Variants in SOX30 observed in about 807,000 individuals in gnomAD.
The protein encoded by SOX30 is SRY-box transcription factor 30.
In SOX30, 17 loss-of-function variants were observed where a neutral mutation model predicts 58.6. The ratio of observed to expected loss-of-function variants is 0.29; its 90% CI spans 0.20 to 0.44. The LOEUF (loss-of-function observed/expected upper bound fraction) is 0.44, where lower values mean the gene tolerates loss of function less well. Ranked by LOEUF, SOX30 falls within the 20% of genes least tolerant of loss-of-function variation. The pLI is 1.00. For missense variants in SOX30, 951 were observed against 965.8 expected, an observed-to-expected ratio of 0.98 and a Z score of 0.20; for synonymous variants, 421 against 400.2, an observed-to-expected ratio of 1.05 and a Z score of -0.62.
Position 157,651,561 on chromosome 5 carries a change from G to A in SOX30, c.518C>T (p.Pro173Leu). Residue 173 changes from proline (P) to leucine (L), a missense_variant, in exon 1 of 5, where the codon CCG becomes CTG. By Grantham distance (98) the Pro-to-Leu change is moderately conservative (BLOSUM62 -3). Around this residue, in one of 7 missense-constraint regions of SOX30, gnomAD observed 363 missense variants for 294.5 expected, o/e 1.23. Transcript: ENST00000265007. ...SRVVKLEGPG[P>L]ALGYFRGDEK... ...GTCCCCTCGGAAGTAGCCGAGGGCCGGCCCGGGGCCTTCCAACTTGACCAC... is the reference window on the plus strand; with the variant it reads ...GTCCCCTCGGAAGTAGCCGAGGGCCAGCCCGGGGCCTTCCAACTTGACCAC... 6.2e-7 allele frequency: 1 copy of A among 1,613,292 alleles called. No individual in the cohort carries two copies. The highest frequency in any genetic ancestry group is 8.5e-7 in the Non-Finnish European group (1 of 1,180,008).
chr5:157,644,909 C>T (rs764285254), intron 3 of SOX30, among the ~76,000 whole-genome samples: 9 of 151,972 alleles, frequency 5.9e-5, no homozygotes, highest in Non-Finnish European at 1.3e-4. Flanking sequence ...TGAACCCAGG[C>T]GTCAGAGGCT....
chr5:157,644,806 C>T (rs1759148621), intron 3 of SOX30, among the ~76,000 whole-genome samples: 1 of 151,962 alleles, frequency 6.6e-6, no homozygotes, highest in Admixed American at 6.6e-5. Flanking sequence ...CATGGTGAAA[C>T]CCCATCTCTA....
intron 4 of SOX30, among the ~76,000 whole-genome samples, chr5:157,637,001 C>T (rs1581392100): frequency 6.6e-6 from 1 of 152,068 alleles, no homozygotes; most frequent in Non-Finnish European, 1.5e-5. Flanking sequence ...GGCGTGGTGA[C>T]GCATGCCTGT....
chr5:157,649,226 A>T (rs1759268350), intron 1 of SOX30, among the ~76,000 whole-genome samples: 1 of 152,142 alleles, frequency 6.6e-6, no homozygotes, highest in Admixed American at 6.5e-5. Context: ...AATAATTAAC[A>T]TTTATTTATT....
chr5:157,656,879 A>C (rs1759483052), upstream of SOX30, among the ~76,000 whole-genome samples: 1 of 152,090 alleles, frequency 6.6e-6, no homozygotes, highest in African/African-American at 2.4e-5. Flanking sequence ...ATATTAGTTA[A>C]AGTTAAAGGG....
chr5:157,646,815 A>T lies in SOX30; in HGVS notation c.1209T>A (p.Gly403=). The T allele has an allele frequency of 6.2e-7, 1 of 1,611,894 alleles. No homozygotes were observed. The highest frequency in any genetic ancestry group is 8.5e-7 in the Non-Finnish European group (1 of 1,178,346). ...TCCCTGGACGAGGCTGATAAACCCA[A>T]CCTATAGAAGACAAAATATGTTTAA... ...IKEKHREEFP[G]WVYQPRPGKR... is the part of the protein sequence containing the mutation. The change falls in exon 3 of 5, where the codon GGT becomes GGA. Residue 403 remains glycine, a splice_region_variant and synonymous_variant. Transcript: ENST00000265007.
chr5:157,657,647 C>T (rs1415016339), intron 2 of SOX30, among the ~76,000 whole-genome samples: 1 of 152,082 alleles, frequency 6.6e-6, no homozygotes, highest in Non-Finnish European at 1.5e-5. Flanking sequence ...TTTTGTTTTT[C>T]AGAGTCAAGG....
upstream of SOX30, among the ~76,000 whole-genome samples, chr5:157,656,361 T>C (rs1436443981): frequency 2.0e-5 from 3 of 152,240 alleles, no homozygotes; most frequent in African/African-American, 7.2e-5. Context: ...TGTAAACATT[T>C]GGTCTAAATT....
At chr5:157,660,588 T>C (rs1254447298) in intron 2 of SOX30, among the ~76,000 whole-genome samples, 1 of 151,964 alleles carries the variant, frequency 6.6e-6, no homozygotes, top group African/African-American at 2.4e-5. Context: ...TCTTTTTTTT[T>C]CTTTTGTTAC....
chr5:157,626,698 G>A lies in SOX30; in HGVS notation c.1904C>T (p.Pro635Leu), dbSNP rs1758665337. The A allele has an allele frequency of 6.2e-7, 1 of 1,610,552 alleles. No individual in the cohort carries two copies. Among genetic ancestry groups the A allele is most frequent in the Admixed American group, 1.7e-5 (1 of 59,544 alleles). The stretch of plus-strand genomic sequence containing the variant: ...ACTCGGAAAATTTCCATAGCCAAAG[G>A]GAGGCCGACTGTAAGGGCATGTACT... Reference protein sequence around the residue: ...PSSTCPYSRPPFGYGNFPSSM... With the variant: ...PSSTCPYSRPLFGYGNFPSSM... Residue 635 changes from proline to leucine, a missense_variant, in exon 5 of 5, where the codon CCC becomes CTC. Around this residue, in one of 7 missense-constraint regions of SOX30, gnomAD observed 381 missense variants for 390.0 expected, o/e 0.98. Transcript: ENST00000265007.
intron 4 of SOX30, among the ~76,000 whole-genome samples, chr5:157,631,024 T>C (rs904154852): frequency 1.6e-4 from 18 of 115,194 alleles, no homozygotes; most frequent in African/African-American, 5.9e-4. Flanking sequence ...ATATATTTTA[T>C]ATATATATAC....
chr5:157,634,763 T>C (rs1200213818), intron 4 of SOX30, among the ~76,000 whole-genome samples: 1 of 152,160 alleles, frequency 6.6e-6, no homozygotes, highest in African/African-American at 2.4e-5. Flanking sequence ...TTCTCCTGCC[T>C]CAAGCTCCCG....
intron 2 of SOX30, among the ~76,000 whole-genome samples, chr5:157,660,213 G>A (rs1209597900): frequency 6.6e-6 from 1 of 152,188 alleles, no homozygotes; most frequent in Non-Finnish European, 1.5e-5. Context: ...TTGAGTCCAA[G>A]AATTTTAGAC....
chr5:157,667,669 G>A (rs771295702), intron 2 of SOX30: 17 of 1,266,466 alleles, frequency 1.3e-5, no homozygotes, highest in Non-Finnish European at 1.6e-5. Context: ...AACCCAGGTC[G>A]CAGAGGCTGC....
At position 157,651,267 on chromosome 5, in the gene SOX30, G is replaced by A; in HGVS notation, c.812C>T (p.Ala271Val). Residue 271 changes from alanine to valine, a missense_variant, in exon 1 of 5, where the codon GCC becomes GTC. Around this residue, in one of 7 missense-constraint regions of SOX30, gnomAD observed 84 missense variants for 68.2 expected, o/e 1.23. Coordinates refer to ENST00000265007, the MANE Select transcript of SOX30 (RefSeq NM_178424.2). ...CGGAGCTCCCTGAAACTGGATCCGGGCCCCAGGGGGGACCGTGTGGAGCGT... is the reference window on the plus strand; with the variant it reads ...CGGAGCTCCCTGAAACTGGATCCGGACCCCAGGGGGGACCGTGTGGAGCGT... ...PLTLHTVPPG[A>V]RIQFQGAPPS... is the part of the protein sequence containing the mutation. 1 of 1,614,150 alleles carries A rather than the reference G, an allele frequency of 6.2e-7. No homozygotes were observed.
chr5:157,634,574 T>C (rs1758882211), intron 4 of SOX30, among the ~76,000 whole-genome samples: 1 of 152,124 alleles, frequency 6.6e-6, no homozygotes, highest in African/African-American at 2.4e-5. Flanking sequence ...AAAATATGTA[T>C]ATATAAGTAT....
At chr5:157,632,113 A>AGGCT (rs1272346697) in intron 4 of SOX30, among the ~76,000 whole-genome samples, 2 of 150,214 alleles carry the variant, frequency 1.3e-5, no homozygotes, top group East Asian at 3.9e-4. Context: ...ATTTGGGCTA[A>AGGCT]GGCTATCTGA....
intron 4 of SOX30, among the ~76,000 whole-genome samples, chr5:157,633,545 T>C (rs1758860086): frequency 6.6e-6 from 1 of 152,224 alleles, no homozygotes; most frequent in African/African-American, 2.4e-5. Context: ...ACTAAGTCTA[T>C]CATGTTTTGG....
chr5:157,632,350 C>A (rs1035484764), intron 4 of SOX30, among the ~76,000 whole-genome samples: 2 of 152,192 alleles, frequency 1.3e-5, no homozygotes, highest in South Asian at 2.1e-4. Context: ...CTGGAGTTCC[C>A]TCTGTGCGTA....
Sources: gnomAD v4.1 joint callset for allele counts (sites outside exome capture counted in the v4.1 genomes callset) on GRCh38, gnomAD v4.1.1 for gene constraint, gnomAD v4.1.1 regional missense constraint, MANE v1.5 for transcripts, NCBI Gene and HGNC (gene_info 2026-07-23, HGNC 2026-07-21) for gene names.